The following CFAP46 variants were observed in gnomAD, a reference collection of about 807,000 sequenced individuals.
The protein encoded by CFAP46 is cilia- and flagella-associated protein 46.
A neutral mutation model predicts 325.7 loss-of-function variants in CFAP46; 245 were observed. The ratio of observed to expected loss-of-function variants is 0.75; its 90% CI spans 0.68 to 0.84. The LOEUF (loss-of-function observed/expected upper bound fraction) is 0.84, where lower values mean the gene tolerates loss of function less well. Ranked by LOEUF, CFAP46 falls within the 40% of genes least tolerant of loss-of-function variation. The probability of loss-of-function intolerance (pLI) is 0.00; values close to 1 mark genes in which losing one functional copy is unlikely to be tolerated. For synonymous variants in CFAP46, 1,523 were observed against 1,495.9 expected (o/e 1.02, Z -0.42); for missense variants, 3,346 against 3,543.0 (o/e 0.94, Z 1.41).
At chr10:132,913,019 C>A (rs1472055711) in intron 18 of CFAP46, 27 bp downstream of exon 18, 11 of 1,545,690 alleles carry the variant, frequency 7.1e-6, no homozygotes, top group Non-Finnish European at 9.6e-6. Flanking sequence ...CCCCTCCCTG[C>A]GTGAACGCAG....
intron 35 of CFAP46, among the ~76,000 whole-genome samples, chr10:132,865,202 G>A (rs1848795823): frequency 6.6e-6 from 1 of 152,200 alleles, no homozygotes; most frequent in Non-Finnish European, 1.5e-5. Context: ...GAGTTTGGAG[G>A]GCAGTCAGTG....
rs1254554403 is a variant in CFAP46, at chr10:132,899,621, G to A, written c.2970C>T (p.Ala990=). 3 of 1,550,140 alleles carry A rather than the reference G, an allele frequency of 1.9e-6. No individual in the cohort carries two copies. Among genetic ancestry groups the A allele is most frequent in the African/African-American group, 2.7e-5 (2 of 73,042 alleles). ...LVAEMLCTAT[A]IQGRSIMENL... ...TTTCCATGATGCTCCTGCCCTGGAT[G>A]GCCGTGGCTGTGCACAGCATCTCTG... The change falls in exon 23 of 58, where the codon GCC becomes GCT. Residue 990 remains alanine, a synonymous_variant. Transcript: ENST00000368586.
intron 17 of CFAP46, 72 bp from the exon 18 acceptor site, chr10:132,913,330 G>C: frequency 4.8e-6 from 6 of 1,248,996 alleles, no homozygotes; most frequent in South Asian, 2.7e-5. Flanking sequence ...GGAAGGCTGC[G>C]GGGCCTGTTA....
chr10:132,877,037 G>T lies in CFAP46; in HGVS notation c.4213-76C>A. The T allele has an allele frequency of 6.9e-7, 1 of 1,457,248 alleles. No homozygotes were observed. Among genetic ancestry groups the T allele is most frequent in the East Asian group, 2.5e-5 (1 of 40,364 alleles). The allele number at this position is 1,457,248 out of a possible 1,614,324, so 90.3% of individuals were successfully genotyped here. A position where few individuals can be genotyped will look rare whatever the true frequency, so the allele number is the denominator to read the frequency against. ...CAGACACCCCCGGCCCACCGGCATG[G>T]CTGTGCAGCATTCAGGCCACAGCCC... On this transcript the variant is annotated intron_variant, in intron 30 of 57. Coordinates refer to ENST00000368586, the MANE Select transcript of CFAP46 (RefSeq NM_001200049.3). The surrounding 1 kb of genome is among the most constrained non-coding windows in gnomAD (Gnocchi z 5.7).
At chr10:132,822,519 T>C (rs1847885095) in intron 50 of CFAP46, among the ~76,000 whole-genome samples, 1 of 134,792 alleles carries the variant, frequency 7.4e-6, no homozygotes, top group Admixed American at 7.3e-5. Context: ...TGCTGATGTG[T>C]GCTGACGTGT....
intron 33 of CFAP46, among the ~76,000 whole-genome samples, chr10:132,867,780 G>T (rs558668750): frequency 6.6e-6 from 1 of 152,102 alleles, no homozygotes; most frequent in African/African-American, 2.4e-5. Flanking sequence ...CCATCTCTCC[G>T]GCGTGCCCAG....
chr10:132,899,752 C>G (rs917643825), intron 22 of CFAP46, 86 bp from the exon 23 acceptor site: 3 of 1,418,540 alleles, frequency 2.1e-6, no homozygotes, highest in Admixed American at 4.8e-5. Flanking sequence ...GAACTGTGGA[C>G]TACACAGGTG....
intron 35 of CFAP46, among the ~76,000 whole-genome samples, chr10:132,864,705 G>C (rs1430410532): frequency 4.7e-5 from 5 of 107,000 alleles, no homozygotes; most frequent in African/African-American, 2.2e-4. Flanking sequence ...CCCCCTGCCT[G>C]AGACCTGCAC....
At chr10:132,880,469 G>A (rs1281949663) in intron 28 of CFAP46, among the ~76,000 whole-genome samples, 3 of 152,218 alleles carry the variant, frequency 2.0e-5, no homozygotes, top group African/African-American at 7.2e-5. Context: ...TGGCTGAGGT[G>A]CCCACAGGGT....
rs60550533 is a variant in CFAP46 at position 132,855,037 on chromosome 10, A to T, written c.5574+2553T>A. 3.8e-3 allele frequency among the ~76,000 whole-genome samples: 580 copies of T among 152,120 alleles called. 7 individuals carry two copies. In the South Asian group the frequency reaches 0.061, roughly 16 times the overall value. ...AACGTTCTAGAAATATCTTCAGGTC[A>T]TATTGGTTGGTAGTGTTGTTCAAAT... On this transcript the variant is annotated intron_variant, in intron 39 of 57. Coordinates refer to ENST00000368586, the MANE Select transcript of CFAP46 (RefSeq NM_001200049.3).
Position 132,814,589 on chromosome 10 carries a change from C to A in CFAP46, c.7273G>T (p.Ala2425Ser), listed in dbSNP as rs868847957. 6.4e-7 allele frequency: 1 copy of A among 1,567,724 alleles called. No individual in the cohort carries two copies. Among genetic ancestry groups the A allele is most frequent in the African/African-American group, 1.3e-5 (1 of 74,432 alleles). Residue 2425 changes from alanine (A) to serine (S), a missense_variant, in exon 53 of 58, where the codon GCC becomes TCC. By Grantham distance (99) the Ala-to-Ser change is moderately conservative. Transcript: ENST00000368586. Reference protein sequence around the residue: ...FKFVVDPYEEAQGPEMLTPVS... With the variant: ...FKFVVDPYEESQGPEMLTPVS... ...GTGCAGCACCCACCTGGGCCCTGGG[C>A]CTCCTCGTATGGGTCCACGACGACT... is the stretch of plus-strand genomic sequence containing the variant.
intron 32 of CFAP46, among the ~76,000 whole-genome samples, chr10:132,870,280 A>G (rs548975027): frequency 6.6e-6 from 1 of 152,062 alleles, no homozygotes; most frequent in South Asian, 2.1e-4. Flanking sequence ...CCTATTCCCC[A>G]AGACACAGAA....
At chr10:132,932,587 C>A (rs1849929248) in intron 8 of CFAP46, among the ~76,000 whole-genome samples, 1 of 149,376 alleles carries the variant, frequency 6.7e-6, no homozygotes, top group Non-Finnish European at 1.5e-5. Context: ...CCACATAGAT[C>A]CTGCAGCTTC....
chr10:132,884,090 G>A lies in CFAP46; in HGVS notation c.3627+1013C>T, dbSNP rs74161920. Among the ~76,000 whole-genome samples, 13,771 of 152,264 alleles carry A rather than the reference G, an allele frequency of 0.09. 1,663 individuals carry two copies. The highest frequency in any genetic ancestry group is 0.28 in the African/African-American group (11,545 of 41,506). ...CTGCCCCGAGGCCCAGTGCAGCTCA[G>A]CTGGGTCCTGCCTTCCCCAGCCGCC... On this transcript the variant is annotated intron_variant, in intron 27 of 57. Coordinates refer to ENST00000368586, the MANE Select transcript of CFAP46 (RefSeq NM_001200049.3). This position sits in a 1 kb window ranked among gnomAD's most constrained non-coding sequence, Gnocchi z 5.4.
chr10:132,879,651 A>C lies in CFAP46; in HGVS notation c.3800-20T>G. 1 of 1,489,848 alleles carries C rather than the reference A, an allele frequency of 6.7e-7. No individual in the cohort carries two copies. Among genetic ancestry groups the C allele is most frequent in the East Asian group, 2.5e-5 (1 of 40,122 alleles). The allele number at this position is 1,489,848 out of a possible 1,614,324, so 92.3% of individuals were successfully genotyped here. A position where few individuals can be genotyped will look rare whatever the true frequency, so the allele number is the denominator to read the frequency against. ...ACTCCCCTGAAACACGGGGTGCCCG[A>C]GGCTGAGAGCAGGCCCGGCTACGGG... is the stretch of plus-strand genomic sequence containing the variant. On this transcript the variant is annotated intron_variant, in intron 28 of 57. Coordinates refer to ENST00000368586, the MANE Select transcript of CFAP46 (RefSeq NM_001200049.3).
intron 32 of CFAP46, among the ~76,000 whole-genome samples, chr10:132,871,607 G>A (rs1349396757): frequency 6.6e-6 from 1 of 152,236 alleles, no homozygotes; most frequent in Non-Finnish European, 1.5e-5. Flanking sequence ...CAGATGTGGA[G>A]GAAATAGCAA....
chr10:132,908,266 G>T, intron 22 of CFAP46: 1 of 616,218 alleles, frequency 1.6e-6, no homozygotes, highest in South Asian at 2.0e-5. Flanking sequence ...TCGCCGCCCA[G>T]GCCCGCGCTC....
intron 38 of CFAP46, among the ~76,000 whole-genome samples, chr10:132,858,682 G>A (rs1031201462): frequency 2.0e-5 from 3 of 152,152 alleles, no homozygotes; most frequent in Admixed American, 1.3e-4. Flanking sequence ...GGATGTGCAC[G>A]TGTGACCTGG....
At chr10:132,820,691 GTGC>G (rs1476207584) in intron 50 of CFAP46, among the ~76,000 whole-genome samples, 6 of 136,132 alleles carry the variant, frequency 4.4e-5, no homozygotes, top group South Asian at 5.8e-4. Flanking sequence ...TGTGCTGTGT[GTGC>G]TGATGTGTGC....
Sources: gnomAD v4.1 joint callset for allele counts (sites outside exome capture counted in the v4.1 genomes callset) on GRCh38, gnomAD v4.1.1 for gene constraint, Gnocchi (gnomAD v3.1) non-coding constraint, MANE v1.5 for transcripts, NCBI Gene and HGNC (gene_info 2026-07-23, HGNC 2026-07-21) for gene names.